TMEM132B: variants seen among roughly 807,000 people sequenced by gnomAD.
The protein encoded by TMEM132B is transmembrane protein 132B.
TMEM132B carries 18 observed loss-of-function variants against 90.8 expected under a neutral mutation model. The observed-to-expected ratio is 0.20, with a 90% confidence interval of 0.14 to 0.29. The LOEUF is 0.29. TMEM132B is among the 10% of genes least tolerant of loss of function. TMEM132B has a pLI of 1.00. For missense variants in TMEM132B, 1,096 were observed against 1,326.8 expected (o/e 0.83, Z 2.70); for synonymous variants, 504 against 523.3 (o/e 0.96, Z 0.50).
intron 4 of TMEM132B, among the ~76,000 whole-genome samples, chr12:125,555,597 G>A (rs1884357795): frequency 6.7e-6 from 1 of 149,756 alleles, no homozygotes; most frequent in Non-Finnish European, 1.5e-5. Context: ...ATAGCATTAG[G>A]AGATATACCT....
chr12:125,544,819 T>C (rs915474740), intron 4 of TMEM132B, among the ~76,000 whole-genome samples: 3 of 152,192 alleles, frequency 2.0e-5, no homozygotes, highest in Non-Finnish European at 4.4e-5. Context: ...AAAGTGACCC[T>C]GAATGAATGG....
intron 2 of TMEM132B, among the ~76,000 whole-genome samples, chr12:125,368,808 A>G (rs1878208234): frequency 6.6e-6 from 1 of 150,648 alleles, no homozygotes; most frequent in Non-Finnish European, 1.5e-5. Flanking sequence ...TTGGAAATAC[A>G]ATTTTTTTTT....
At chr12:125,248,601 G>A (rs572180588) in intron 1 of TMEM132B, among the ~76,000 whole-genome samples, 2 of 152,316 alleles carry the variant, frequency 1.3e-5, no homozygotes, top group South Asian at 2.1e-4. Context: ...CCCATGGAAG[G>A]CTAATAAATT....
chr12:125,398,911 A>C (rs73424784), intron 2 of TMEM132B, among the ~76,000 whole-genome samples: 1 of 152,158 alleles, frequency 6.6e-6, no homozygotes, highest in Non-Finnish European at 1.5e-5. Context: ...TGGAGGCCCA[A>C]CTGGTGAAGA....
chr12:125,444,791 C>T lies in TMEM132B; in HGVS notation c.1106+29114C>T, dbSNP rs184390576. ...TCATAATCAGTTGACTCTAAGTAAG[C>T]GAGATTATCCTAGATAATCTGGTGG... is the stretch of plus-strand genomic sequence containing the variant. On this transcript the variant is annotated intron_variant, in intron 3 of 8. Transcript: ENST00000682704. 2.7e-3 allele frequency among the ~76,000 whole-genome samples: 405 copies of T among 152,178 alleles called. 2 individuals are homozygous for T. Among genetic ancestry groups the T allele is most frequent in the African/African-American group, 8.8e-3 (365 of 41,528 alleles).
In TMEM132B at chr12:125,336,656, G is replaced by A. The variant is rs186796626; in HGVS notation, c.68-12796G>A. ...GACATTCCTATACATGCAGTTGCAC[G>A]ATAACAAGTCACGCCACTGGGTTAC... is the stretch of plus-strand genomic sequence containing the variant. On this transcript the variant is annotated intron_variant, in intron 1 of 8. Coordinates refer to ENST00000682704, the MANE Select transcript of TMEM132B (RefSeq NM_001366854.1). Among the ~76,000 whole-genome samples, 446 of 152,328 alleles carry A rather than the reference G, an allele frequency of 2.9e-3. 3 individuals are homozygous for A. Among genetic ancestry groups the A allele is most frequent in the African/African-American group, 0.01 (428 of 41,552 alleles).
chr12:125,592,103 T>C (rs926486052), intron 5 of TMEM132B, among the ~76,000 whole-genome samples: 1 of 152,230 alleles, frequency 6.6e-6, no homozygotes, highest in African/African-American at 2.4e-5. Flanking sequence ...TTTTCTTTGC[T>C]GAGTCTTTTT....
rs142996147 is a variant in TMEM132B at position 125,270,407 on chromosome 12, T to C, written c.68-79045T>C. The stretch of plus-strand genomic sequence containing the variant: ...CCCCACAATATCCCATTTCCTGAAC[T>C]TATTATGTTAACTTGGGTTCCCTCT... On this transcript the variant is annotated intron_variant, in intron 1 of 8. Coordinates refer to ENST00000682704, the MANE Select transcript of TMEM132B (RefSeq NM_001366854.1). Among the ~76,000 whole-genome samples the C allele has an allele frequency of 2.3e-3, 346 of 152,282 alleles. 1 individual carries two copies. Among genetic ancestry groups the C allele is most frequent in the African/African-American group, 8.1e-3 (336 of 41,546 alleles).
chr12:125,452,730 A>G (rs1316447336), intron 3 of TMEM132B, among the ~76,000 whole-genome samples: 1 of 152,156 alleles, frequency 6.6e-6, no homozygotes, highest in Non-Finnish European at 1.5e-5. Flanking sequence ...ACTGACAACA[A>G]CATTGAACAT....
intron 3 of TMEM132B, among the ~76,000 whole-genome samples, chr12:125,471,027 G>A (rs2136497524): frequency 6.6e-6 from 1 of 152,364 alleles, no homozygotes; most frequent in East Asian, 1.9e-4. Context: ...CCCTGGGACA[G>A]CCGGGAGCTG....
chr12:125,313,490 C>T (rs969537914), intron 1 of TMEM132B, among the ~76,000 whole-genome samples: 11 of 147,682 alleles, frequency 7.4e-5, no homozygotes, highest in Non-Finnish European at 1.6e-4. Context: ...TTCCTCCCTT[C>T]CTCCTTCCCT....
chr12:125,324,378 C>T (rs1182220914), intron 1 of TMEM132B, among the ~76,000 whole-genome samples: 4 of 152,186 alleles, frequency 2.6e-5, no homozygotes, highest in African/African-American at 7.2e-5. Flanking sequence ...TGTCACGTCA[C>T]GCGTGTGCAG....
chr12:125,230,073 G>C (rs1873782123), intron 1 of TMEM132B, among the ~76,000 whole-genome samples: 1 of 152,226 alleles, frequency 6.6e-6, no homozygotes, highest in Non-Finnish European at 1.5e-5. Context: ...TCAAAGGAAA[G>C]CTGGGCAAGA....
Position 125,595,187 on chromosome 12 carries a change from TG to T in TMEM132B, c.1437+11195del, listed in dbSNP as rs1885412030. Among the ~76,000 whole-genome samples the T allele has an allele frequency of 2.0e-5, 3 of 152,328 alleles. No individual in the cohort carries two copies. The East Asian group carries it at 5.8e-4, about 29-fold the overall frequency. On this transcript the variant is annotated intron_variant, in intron 5 of 8. Coordinates refer to ENST00000682704, the MANE Select transcript of TMEM132B (RefSeq NM_001366854.1). ...CTGTTGAGCTTTCTTTGCCCTTAGC[TG>T]GCAGCTCCATGAAGGGGGAGGGACC...
intron 1 of TMEM132B, among the ~76,000 whole-genome samples, chr12:125,272,485 C>G (rs1397740943): frequency 2.0e-5 from 3 of 152,078 alleles, no homozygotes; most frequent in Non-Finnish European, 4.4e-5. Flanking sequence ...TCCCCTGCGC[C>G]CAGGCCTGTC....
intron 3 of TMEM132B, among the ~76,000 whole-genome samples, chr12:125,430,331 G>A (rs536699952): frequency 8.5e-5 from 13 of 152,280 alleles, no homozygotes; most frequent in Non-Finnish European, 1.8e-4. Context: ...GAATTTCACG[G>A]TAGCTCATGT....
intron 5 of TMEM132B, among the ~76,000 whole-genome samples, chr12:125,605,785 T>C (rs760430936): frequency 4.2e-4 from 64 of 152,198 alleles, no homozygotes; most frequent in Non-Finnish European, 7.9e-4. Context: ...AATAAGGATG[T>C]TGGTTCACCA....
intron 3 of TMEM132B, among the ~76,000 whole-genome samples, chr12:125,505,613 C>T (rs541618321): frequency 2.6e-5 from 4 of 151,694 alleles, no homozygotes; most frequent in African/African-American, 4.8e-5. Context: ...GCAGGAGAAT[C>T]GCATGAACCG....
intron 3 of TMEM132B, among the ~76,000 whole-genome samples, 198 bp from the exon 4 acceptor site, chr12:125,519,241 G>A (rs1004877073): frequency 3.3e-5 from 5 of 152,164 alleles, no homozygotes; most frequent in East Asian, 1.9e-4. Flanking sequence ...CCCTAGAGAC[G>A]GATCGTCAGC....
Sources: allele counts gnomAD v4.1 joint callset (sites outside exome capture counted in the v4.1 genomes callset), GRCh38; gene constraint gnomAD v4.1.1; transcripts MANE v1.5; gene names NCBI Gene and HGNC (gene_info 2026-07-23, HGNC 2026-07-21).